Variants in TTC29 observed in about 807,000 individuals in gnomAD.
TTC29 encodes the protein tetratricopeptide repeat domain 29.
TTC29 carries 49 observed loss-of-function variants against 58.1 expected under a neutral mutation model. The ratio of observed to expected loss-of-function variants is 0.84; its 90% CI spans 0.67 to 1.07. The LOEUF (loss-of-function observed/expected upper bound fraction) is 1.07, where lower values mean the gene tolerates loss of function less well. Among genes scored for constraint, TTC29 ranks in the 50% least tolerant of loss-of-function variants. The pLI is 0.00. For synonymous variants in TTC29, 209 were observed against 196.8 expected (o/e 1.06, Z -0.52); for missense variants, 582 against 555.6 (o/e 1.05, Z -0.48).
At chr4:146,787,537 T>G (rs1381868922) in intron 11 of TTC29, among the ~76,000 whole-genome samples, 1 of 152,220 alleles carries the variant, frequency 6.6e-6, no homozygotes, top group African/African-American at 2.4e-5. Context: ...TTAGGTTTTC[T>G]CCTGTGTTTG....
intron 4 of TTC29, among the ~76,000 whole-genome samples, chr4:146,913,124 G>T (rs1734001029): frequency 6.6e-6 from 1 of 152,154 alleles, no homozygotes; most frequent in Non-Finnish European, 1.5e-5. Context: ...ACAAGGGGTT[G>T]TAATCTTGCT....
chr4:146,879,115 C>G (rs1158315049), intron 6 of TTC29, among the ~76,000 whole-genome samples: 1 of 152,054 alleles, frequency 6.6e-6, no homozygotes, highest in Admixed American at 6.6e-5. Context: ...AGTAAATAAG[C>G]CAGCAAGAAG....
chr4:146,734,898 C>A (rs1450052261), intron 11 of TTC29, among the ~76,000 whole-genome samples: 2 of 151,844 alleles, frequency 1.3e-5, no homozygotes, highest in Non-Finnish European at 2.9e-5. Flanking sequence ...TCGGTGGCCA[C>A]GTGGTCACCC....
At chr4:146,897,265 A>G (rs570463448) in intron 6 of TTC29, among the ~76,000 whole-genome samples, 47 of 152,236 alleles carry the variant, frequency 3.1e-4, no homozygotes, top group African/African-American at 1.1e-3. Flanking sequence ...GGGTTAACAC[A>G]TCCAGAACTG....
intron 11 of TTC29, among the ~76,000 whole-genome samples, chr4:146,766,676 T>C (rs1232081720): frequency 3.3e-5 from 5 of 152,100 alleles, no homozygotes; most frequent in East Asian, 1.9e-4. Context: ...ACATTATGTA[T>C]AGATGTACTT....
intron 2 of TTC29, chr4:146,944,057 C>G (rs1403367554): frequency 6.6e-6 from 1 of 152,270 alleles, no homozygotes; most frequent in Non-Finnish European, 1.5e-5. Context: ...GGAAATTGCT[C>G]AGGTTCAGGT....
intron 8 of TTC29, among the ~76,000 whole-genome samples, chr4:146,847,599 T>C (rs1213547141): frequency 1.3e-5 from 2 of 152,118 alleles, no homozygotes; most frequent in Non-Finnish European, 2.9e-5. Context: ...TGAGAATTCC[T>C]CAGCGAGCCA....
intron 6 of TTC29, among the ~76,000 whole-genome samples, chr4:146,893,856 A>G (rs1223978489): frequency 1.3e-5 from 2 of 152,230 alleles, no homozygotes; most frequent in African/African-American, 4.8e-5. Context: ...AACCCCATCA[A>G]AAAGTGGGTG....
intron 4 of TTC29, among the ~76,000 whole-genome samples, chr4:146,915,218 A>G (rs1211411657): frequency 6.6e-6 from 1 of 152,144 alleles, no homozygotes; most frequent in Non-Finnish European, 1.5e-5. Context: ...CCATTTCCCT[A>G]CATTGCCTCC....
intron 6 of TTC29, among the ~76,000 whole-genome samples, chr4:146,883,058 C>G (rs534585711): frequency 3.3e-5 from 5 of 152,164 alleles, no homozygotes; most frequent in Admixed American, 2.0e-4. Context: ...CTCAGGAATT[C>G]TCTTGCCTAA....
chr4:146,942,651 A>G (rs1327458788), intron 2 of TTC29: 43 of 1,530,356 alleles, frequency 2.8e-5, no homozygotes, highest in Non-Finnish European at 3.8e-5. Flanking sequence ...GAACATCGGA[A>G]TCATCTAAGT....
intron 6 of TTC29, among the ~76,000 whole-genome samples, chr4:146,888,053 T>C (rs1732107771): frequency 6.6e-6 from 1 of 151,978 alleles, no homozygotes; most frequent in Non-Finnish European, 1.5e-5. Context: ...GGGGAAGTTA[T>C]TAATGGAGCA....
chr4:146,748,444 C>G (rs963856079), intron 11 of TTC29, among the ~76,000 whole-genome samples: 2 of 152,158 alleles, frequency 1.3e-5, no homozygotes, highest in African/African-American at 4.8e-5. Context: ...CCCTGGAACC[C>G]AGCACCACTG....
chr4:146,896,547 T>C (rs1239011495), intron 6 of TTC29, among the ~76,000 whole-genome samples: 1 of 152,214 alleles, frequency 6.6e-6, no homozygotes, highest in Non-Finnish European at 1.5e-5. Context: ...GACTAGAGCA[T>C]GAAAAGCTAT....
At chr4:146,883,438 G>T (rs1328778628) in intron 6 of TTC29, among the ~76,000 whole-genome samples, 1 of 151,774 alleles carries the variant, frequency 6.6e-6, no homozygotes, top group Non-Finnish European at 1.5e-5. Flanking sequence ...AATCTGGATG[G>T]GCCTTTTATA....
chr4:146,883,492 A>T (rs935801385), intron 6 of TTC29, among the ~76,000 whole-genome samples: 4 of 151,972 alleles, frequency 2.6e-5, no homozygotes, highest in African/African-American at 9.7e-5. Flanking sequence ...TCAGTTTTTC[A>T]GATTAAATGC....
chr4:146,928,564 G>T (rs183710064), intron 4 of TTC29, among the ~76,000 whole-genome samples: 71 of 152,304 alleles, frequency 4.7e-4, no homozygotes, highest in Non-Finnish European at 8.8e-4. Flanking sequence ...CTACTATGTG[G>T]ATACTGTTAT....
chr4:146,838,413 AAT>A lies in TTC29; in HGVS notation c.886-4518_886-4517del, dbSNP rs1348792087. Among the ~76,000 whole-genome samples, 31 of 152,142 alleles carry A rather than the reference AAT, an allele frequency of 2.0e-4. 1 individual carries two copies. The South Asian group carries it at 6.0e-3, about 30-fold the overall frequency. ...TTGTCAACTGTCAAAAAAAAAATAG[AAT>A]ATCTATCTGTCTTAGAGAAAGTAGA... On this transcript the variant is annotated intron_variant, in intron 8 of 12. Coordinates refer to ENST00000325106, the MANE Select transcript of TTC29 (RefSeq NM_031956.4).
chr4:146,715,093 G>A (rs1742831176), intron 11 of TTC29, among the ~76,000 whole-genome samples: 1 of 151,966 alleles, frequency 6.6e-6, no homozygotes. Flanking sequence ...CTGTCTTGGT[G>A]TCCCAAAGTG....
Sources: allele counts gnomAD v4.1 joint callset (sites outside exome capture counted in the v4.1 genomes callset), GRCh38; gene constraint gnomAD v4.1.1; transcripts MANE v1.5; gene names NCBI Gene and HGNC (gene_info 2026-07-23, HGNC 2026-07-21).